NALCN: variants seen among roughly 807,000 people sequenced by gnomAD.
NALCN encodes the protein sodium leak channel NALCN.
A neutral mutation model predicts 225.3 loss-of-function variants in NALCN; 111 were observed. The observed-to-expected ratio is 0.49, with a 90% CI of 0.42 to 0.58. The LOEUF (loss-of-function observed/expected upper bound fraction) is 0.58, where lower values mean the gene tolerates loss of function less well. Ranked by LOEUF, NALCN falls within the 20% of genes least tolerant of loss-of-function variation. The pLI is 0.00. For synonymous variants in NALCN, 764 were observed against 769.0 expected, an observed-to-expected ratio of 0.99 and a Z score of 0.11; for missense variants, 1,378 against 2,202.4, an observed-to-expected ratio of 0.63 and a Z score of 7.49.
At chr13:101,189,059 A>G (rs529357405) in intron 14 of NALCN, among the ~76,000 whole-genome samples, 3 of 152,208 alleles carry the variant, frequency 2.0e-5, no homozygotes, top group African/African-American at 7.2e-5. Flanking sequence ...TAAGATGCAC[A>G]TTTACTTTCA....
At chr13:101,384,314 C>T (rs895036206) in intron 3 of NALCN, among the ~76,000 whole-genome samples, 3 of 152,058 alleles carry the variant, frequency 2.0e-5, no homozygotes, top group African/African-American at 7.2e-5. Context: ...GCGCAAAAAT[C>T]AGCACTTTGG....
chr13:101,085,083 T>C (rs2033866105), intron 30 of NALCN, among the ~76,000 whole-genome samples: 1 of 152,208 alleles, frequency 6.6e-6, no homozygotes, highest in Admixed American at 6.5e-5. Flanking sequence ...TGCTTGTATC[T>C]TCCTATGTGA....
chr13:101,353,859 T>G (rs576903316), intron 6 of NALCN, among the ~76,000 whole-genome samples: 1 of 152,332 alleles, frequency 6.6e-6, no homozygotes, highest in South Asian at 2.1e-4. Context: ...CATGATTTTA[T>G]TTTAAAGGAA....
chr13:101,374,279 T>TC (rs2046623352), intron 6 of NALCN, among the ~76,000 whole-genome samples: 1 of 146,306 alleles, frequency 6.8e-6, no homozygotes, highest in African/African-American at 2.5e-5. Flanking sequence ...TTTCTTTTTT[T>TC]TTTTTTTTTT....
chr13:101,131,793 G>A (rs894476702), intron 17 of NALCN, among the ~76,000 whole-genome samples: 3 of 152,010 alleles, frequency 2.0e-5, no homozygotes, highest in Non-Finnish European at 4.4e-5. Context: ...ATGGATTTGG[G>A]GTTTTGATAT....
intron 13 of NALCN, among the ~76,000 whole-genome samples, chr13:101,204,065 T>TA (rs1566427075): frequency 1.3e-5 from 2 of 152,230 alleles, no homozygotes; most frequent in East Asian, 3.8e-4. Context: ...TGTAGGGTCC[T>TA]AGTCTGGGGA....
chr13:101,387,275 C>A (rs563836860), intron 3 of NALCN, among the ~76,000 whole-genome samples: 4 of 144,586 alleles, frequency 2.8e-5, no homozygotes, highest in African/African-American at 1.0e-4. Context: ...TTTCGCAAAT[C>A]ACTGGCATAT....
intron 12 of NALCN, among the ~76,000 whole-genome samples, chr13:101,233,014 T>C (rs1422845630): frequency 6.6e-6 from 1 of 152,170 alleles, no homozygotes; most frequent in Non-Finnish European, 1.5e-5. Flanking sequence ...TGATCAGCAT[T>C]TTCAAAGGGT....
intron 13 of NALCN, among the ~76,000 whole-genome samples, chr13:101,226,498 G>A (rs373668505): frequency 6.6e-6 from 1 of 152,158 alleles, no homozygotes; most frequent in African/African-American, 2.4e-5. Flanking sequence ...CCATCCCCAT[G>A]TTCCCATGGA....
Position 101,407,088 on chromosome 13 carries a change from C to T in NALCN, c.-39-7923G>A, listed in dbSNP as rs111574657. On this transcript the variant is annotated intron_variant, in intron 1 of 43. Coordinates refer to ENST00000251127, the MANE Select transcript of NALCN (RefSeq NM_052867.4). ...GTATGTATTGAGAAAGTTTTTCTGTCATACCCAAAATCCAAAGCCCAGAAC... is the reference window on the plus strand; with the variant it reads ...GTATGTATTGAGAAAGTTTTTCTGTTATACCCAAAATCCAAAGCCCAGAAC... 1.9e-3 allele frequency among the ~76,000 whole-genome samples: 287 copies of T among 152,310 alleles called. 3 individuals carry two copies. Among genetic ancestry groups the T allele is most frequent in the African/African-American group, 6.6e-3 (273 of 41,572 alleles).
chr13:101,378,501 A>T, intron 4 of NALCN, 69 bp downstream of exon 4: 2 of 1,178,032 alleles, frequency 1.7e-6, no homozygotes, highest in Non-Finnish European at 2.4e-6. Context: ...ATTTCTATTT[A>T]GACTTTTAAT....
chr13:101,348,939 T>C (rs1267936524), intron 6 of NALCN, among the ~76,000 whole-genome samples: 1 of 152,186 alleles, frequency 6.6e-6, no homozygotes, highest in Non-Finnish European at 1.5e-5. Context: ...TTTTTTCAGT[T>C]AACAAGAATC....
At chr13:101,400,611 T>C (rs1158429747) in intron 1 of NALCN, among the ~76,000 whole-genome samples, 1 of 151,164 alleles carries the variant, frequency 6.6e-6, no homozygotes. Flanking sequence ...ACAGATGCAG[T>C]TTTTACTGGA....
intron 1 of NALCN, among the ~76,000 whole-genome samples, chr13:101,408,922 T>C (rs1156631306): frequency 6.6e-6 from 1 of 152,180 alleles, no homozygotes; most frequent in African/African-American, 2.4e-5. Flanking sequence ...GTCAAGGTAC[T>C]GATTAGAAAT....
intron 10 of NALCN, among the ~76,000 whole-genome samples, chr13:101,270,195 A>G (rs1383622460): frequency 6.6e-6 from 1 of 152,186 alleles, no homozygotes; most frequent in Non-Finnish European, 1.5e-5. Context: ...GTGCTTTCTT[A>G]GTTACCTGTA....
intron 6 of NALCN, among the ~76,000 whole-genome samples, chr13:101,365,633 C>A (rs1185832674): frequency 6.6e-6 from 1 of 152,006 alleles, no homozygotes; most frequent in Non-Finnish European, 1.5e-5. Flanking sequence ...TTATAAAATA[C>A]CAAGTTCTAT....
At chr13:101,181,186 T>C (rs1470453713) in intron 14 of NALCN, 1 of 518,806 alleles carries the variant, frequency 1.9e-6, no homozygotes, top group Non-Finnish European at 3.8e-6. Flanking sequence ...GGAAAAGAGC[T>C]GTGAGGAACG....
chr13:101,106,670 A>G (rs373671339), intron 22 of NALCN, among the ~76,000 whole-genome samples: 140 of 152,278 alleles, frequency 9.2e-4, no homozygotes, highest in African/African-American at 3.1e-3. Context: ...AAGTCTCATG[A>G]GATCTGATGA....
At chr13:101,148,713 C>G (rs931140906) in intron 15 of NALCN, among the ~76,000 whole-genome samples, 3 of 152,084 alleles carry the variant, frequency 2.0e-5, no homozygotes, top group African/African-American at 7.2e-5. Context: ...GTGAGCTGAG[C>G]AAATATTCAG....
Sources: allele counts gnomAD v4.1 joint callset (sites outside exome capture counted in the v4.1 genomes callset), GRCh38; gene constraint gnomAD v4.1.1; transcripts MANE v1.5; gene names NCBI Gene and HGNC (gene_info 2026-07-23, HGNC 2026-07-21).